The following PLA2G4C variants were observed in gnomAD, a reference collection of about 807,000 sequenced individuals.
PLA2G4C encodes cytosolic phospholipase A2 gamma.
PLA2G4C carries 64 observed loss-of-function variants against 73.8 expected under a neutral mutation model. The observed-to-expected ratio is 0.87, with a 90% CI of 0.71 to 1.07. The LOEUF is 1.07. Ranked by LOEUF, PLA2G4C falls within the 50% of genes least tolerant of loss-of-function variation. PLA2G4C has a pLI of 0.00. For synonymous variants in PLA2G4C, 254 were observed against 252.1 expected, an observed-to-expected ratio of 1.01 and a Z score of -0.07; for missense variants, 622 against 665.4, an observed-to-expected ratio of 0.93 and a Z score of 0.72.
chr19:48,055,694 G>A (rs1314911384), intron 14 of PLA2G4C, among the ~76,000 whole-genome samples: 2 of 152,090 alleles, frequency 1.3e-5, no homozygotes, highest in Non-Finnish European at 2.9e-5. Context: ...AGGCTGGAGT[G>A]CAATGGCATG....
chr19:48,066,338 C>G (rs1368317571), intron 13 of PLA2G4C, among the ~76,000 whole-genome samples: 1 of 152,104 alleles, frequency 6.6e-6, no homozygotes, highest in African/African-American at 2.4e-5. Flanking sequence ...CGACTTCATC[C>G]AACCCCTTCA....
chr19:48,053,352 C>T (rs185039127), intron 15 of PLA2G4C, among the ~76,000 whole-genome samples: 3 of 149,112 alleles, frequency 2.0e-5, no homozygotes, highest in East Asian at 3.9e-4. Flanking sequence ...ATGCCCCTTC[C>T]GGTCCTTTTT....
intron 7 of PLA2G4C, among the ~76,000 whole-genome samples, 183 bp downstream of exon 7, chr19:48,095,281 C>A (rs572754191): frequency 1.8e-4 from 27 of 152,090 alleles, no homozygotes; most frequent in Non-Finnish European, 1.3e-4. Context: ...ATTAAGGAGA[C>A]CTTTGAGAGA....
chr19:48,110,368 A>AAAT (rs2032433166), intron 1 of PLA2G4C, 119 bp downstream of exon 1: 2 of 537,240 alleles, frequency 3.7e-6, no homozygotes, highest in Admixed American at 4.2e-5. Context: ...ATAAATAAAT[A>AAAT]AAATAAAATA....
intron 15 of PLA2G4C, among the ~76,000 whole-genome samples, chr19:48,054,483 G>T (rs1972723): frequency 0.9 from 132,746 of 147,550 alleles, 59,649 homozygotes; most frequent in South Asian, 0.95. Flanking sequence ...ATTTTTTTTT[G>T]TTGTTGTATT....
At chr19:48,073,374 G>A (rs1052350742) in intron 12 of PLA2G4C, among the ~76,000 whole-genome samples, 5 of 152,026 alleles carry the variant, frequency 3.3e-5, no homozygotes, top group African/African-American at 7.2e-5. Context: ...TAGCCCAGTC[G>A]GGGATGGACT....
intron 10 of PLA2G4C, among the ~76,000 whole-genome samples, chr19:48,082,836 C>T (rs1227760609): frequency 3.2e-5 from 4 of 123,212 alleles, no homozygotes; most frequent in East Asian, 2.4e-4. Context: ...TTTTTTGAGA[C>T]GGAGTCTCGC....
intron 2 of PLA2G4C, among the ~76,000 whole-genome samples, chr19:48,105,790 C>T (rs13344824): frequency 1.1e-5 from 1 of 91,094 alleles, no homozygotes; most frequent in Non-Finnish European, 2.1e-5. Flanking sequence ...TGACATACCT[C>T]CCTCCCTCCC....
chr19:48,090,623 C>T (rs2031240390), intron 7 of PLA2G4C: 2 of 576,524 alleles, frequency 3.5e-6, no homozygotes, highest in Admixed American at 3.0e-5. Flanking sequence ...GTAAACAAGA[C>T]AGATAAAGTC....
chr19:48,085,109 A>G lies in PLA2G4C; in HGVS notation c.794T>C (p.Leu265Ser). 6.2e-7 allele frequency: 1 copy of G among 1,609,426 alleles called. No homozygotes were observed. The highest frequency in any genetic ancestry group is 8.5e-7 in the Non-Finnish European group (1 of 1,175,732). Reference protein sequence around the residue: ...DQLRNLTLKGLWRRAVANAKS... With the variant: ...DQLRNLTLKGSWRRAVANAKS... ...AGCATTAGCAACAGCCCTTCTCCAT[A>G]AACCTGCCAAGAAAATAGCAATAAA... is the stretch of plus-strand genomic sequence containing the variant. Residue 265 changes from leucine (L) to serine (S), a missense_variant, in exon 10 of 17, where the codon TTA (leucine) becomes TCA (serine). Transcript: ENST00000599921.
chr19:48,104,804 CG>C, intron 3 of PLA2G4C, 80 bp from the exon 4 acceptor site: 1 of 1,435,442 alleles, frequency 7.0e-7, no homozygotes, highest in Non-Finnish European at 9.6e-7. Context: ...TACCTGGGGC[CG>C]GGCACCGTGG....
chr19:48,080,288 C>A (rs1235945105), intron 10 of PLA2G4C, among the ~76,000 whole-genome samples: 3 of 152,156 alleles, frequency 2.0e-5, no homozygotes, highest in African/African-American at 7.2e-5. Context: ...TACCATCTTA[C>A]TCCCACAAGA....
At chr19:48,085,663 TAGAC>T (rs1183184969) in intron 9 of PLA2G4C, among the ~76,000 whole-genome samples, 2 of 152,158 alleles carry the variant, frequency 1.3e-5, no homozygotes, top group African/African-American at 4.8e-5. Context: ...ATTCAGGAAT[TAGAC>T]AGGAAATCTG....
chr19:48,049,887 G>A (rs1011730067), intron 16 of PLA2G4C, among the ~76,000 whole-genome samples: 1 of 152,140 alleles, frequency 6.6e-6, no homozygotes, highest in African/African-American at 2.4e-5. Context: ...CCAGAACTGT[G>A]AGACAATAAG....
At chr19:48,101,463 C>G (rs1439058905) in intron 4 of PLA2G4C, among the ~76,000 whole-genome samples, 1 of 151,854 alleles carries the variant, frequency 6.6e-6, no homozygotes, top group Admixed American at 6.6e-5. Context: ...GTTCTTAATG[C>G]TGCTTATCGG....
rs998613295 is a variant in PLA2G4C, at chr19:48,110,569, C to G, written c.-115G>C. On this transcript the variant is annotated 5_prime_UTR_variant, in exon 1 of 17. Transcript: ENST00000599921. ...GGTGCGGAGGCTTGGGCTCCCTGCG[C>G]TTAGCGGTGTAGTCGCTGGACAGCT... The G allele has an allele frequency of 2.0e-5, 29 of 1,454,356 alleles. No homozygotes were observed. The highest frequency in any genetic ancestry group is 2.3e-5 in the Non-Finnish European group (25 of 1,093,136). The allele number at this position is 1,454,356 out of a possible 1,614,324, so 90.1% of individuals were successfully genotyped here.
intron 14 of PLA2G4C, among the ~76,000 whole-genome samples, chr19:48,057,544 C>T (rs373296262): frequency 0.039 from 4,619 of 119,040 alleles, 142 homozygotes; most frequent in African/African-American, 0.078. Flanking sequence ...GGCTGGAGTG[C>T]AGTGGCGGGA....
At position 48,067,892 on chromosome 19, in the gene PLA2G4C, G is replaced by T. The variant is rs756535254; in HGVS notation, c.1007-6C>A. ...CATCAAGTTACTGAGTGAGCCTAGG[G>T]AAAGAAGCCGAGACAGCCAAGGTGA... On this transcript the variant is annotated splice_polypyrimidine_tract_variant and splice_region_variant and intron_variant, in intron 12 of 16. Coordinates refer to ENST00000599921, the MANE Select transcript of PLA2G4C (RefSeq NM_003706.3). 5.6e-6 allele frequency: 9 copies of T among 1,604,538 alleles called. No individual in the cohort carries two copies. The highest frequency in any genetic ancestry group is 6.8e-6 in the Non-Finnish European group (8 of 1,171,242).
intron 10 of PLA2G4C, among the ~76,000 whole-genome samples, chr19:48,083,366 T>TTTG (rs202131524): frequency 1.3e-4 from 20 of 150,858 alleles, no homozygotes; most frequent in Non-Finnish European, 1.0e-4. Flanking sequence ...CACAGAGAAT[T>TTTG]TTGTTGTTGT....
Sources: allele counts gnomAD v4.1 joint callset (sites outside exome capture counted in the v4.1 genomes callset), GRCh38; gene constraint gnomAD v4.1.1; transcripts MANE v1.5; gene names NCBI Gene and HGNC (gene_info 2026-07-23, HGNC 2026-07-21).